Variants in ARFGEF2 observed in about 807,000 individuals in gnomAD.
ARFGEF2 encodes ARF guanine nucleotide exchange factor 2, also known as brefeldin A-inhibited guanine nucleotide-exchange protein 2.
In ARFGEF2, 74 loss-of-function variants were observed where a neutral mutation model predicts 219.9. That is an observed-to-expected ratio of 0.34 (90% confidence interval 0.28 to 0.41). The LOEUF is 0.41. ARFGEF2 is among the 10% of genes least tolerant of loss of function. The probability of loss-of-function intolerance (pLI) is 1.00; values close to 1 mark genes in which losing one functional copy is unlikely to be tolerated. For synonymous variants in ARFGEF2, 733 were observed against 799.2 expected (o/e 0.92, Z 1.40); for missense variants, 1,743 against 2,218.3 (o/e 0.79, Z 4.30).
At chr20:48,937,115 T>C (rs1178964291) in intron 1 of ARFGEF2, among the ~76,000 whole-genome samples, 1 of 152,194 alleles carries the variant, frequency 6.6e-6, no homozygotes, top group Non-Finnish European at 1.5e-5. Flanking sequence ...GCTGGTGTGC[T>C]TCAGACTGTG....
At position 48,952,901 on chromosome 20, in the gene ARFGEF2, AC is replaced by A. The variant is rs1398792139; in HGVS notation, c.603+18del. On this transcript the variant is annotated intron_variant, in intron 5 of 38. Transcript: ENST00000371917. ...AACCAAGTGGTGAGTGACAGCACTT[AC>A]GTGCTAGGGGCAAGACATCATTGCT... The A allele has an allele frequency of 6.2e-7, 1 of 1,613,270 alleles. No homozygotes were observed. Among genetic ancestry groups the A allele is most frequent in the Admixed American group, 1.7e-5 (1 of 60,026 alleles).
chr20:48,969,412 A>G (rs2091211449), intron 9 of ARFGEF2, 135 bp downstream of exon 9: 1 of 1,528,262 alleles, frequency 6.5e-7, no homozygotes, highest in Non-Finnish European at 9.0e-7. Context: ...GAACGGTTTT[A>G]CAACTTTTCA....
chr20:48,924,636 C>G (rs964509986), intron 1 of ARFGEF2, among the ~76,000 whole-genome samples: 1 of 151,752 alleles, frequency 6.6e-6, no homozygotes, highest in African/African-American at 2.4e-5. Flanking sequence ...AATGACGGCT[C>G]AAAGTTGAAA....
intron 1 of ARFGEF2, among the ~76,000 whole-genome samples, chr20:48,930,068 A>G (rs182886906): frequency 6.6e-6 from 1 of 152,342 alleles, no homozygotes; most frequent in East Asian, 1.9e-4. Flanking sequence ...GTCTTAGTCC[A>G]TTTTGTGCTG....
At chr20:48,987,515 G>A (rs1320024003) in intron 16 of ARFGEF2, among the ~76,000 whole-genome samples, 3 of 152,128 alleles carry the variant, frequency 2.0e-5, no homozygotes, top group Admixed American at 2.0e-4. Flanking sequence ...ATAAATAACA[G>A]CTAAACAGCA....
intron 6 of ARFGEF2, among the ~76,000 whole-genome samples, chr20:48,960,290 A>G (rs554335706): frequency 1.3e-5 from 2 of 152,294 alleles, no homozygotes; most frequent in East Asian, 3.9e-4. Flanking sequence ...TACAGTCACA[A>G]TGCAGTACAA....
At chr20:49,000,066 A>G (rs997883832) in intron 25 of ARFGEF2, among the ~76,000 whole-genome samples, 4 of 152,206 alleles carry the variant, frequency 2.6e-5, no homozygotes, top group African/African-American at 9.7e-5. Flanking sequence ...ACACCCTGCC[A>G]CAGCCAATTT....
At chr20:48,944,238 A>G (rs2091011497) in intron 3 of ARFGEF2, among the ~76,000 whole-genome samples, 1 of 152,058 alleles carries the variant, frequency 6.6e-6, no homozygotes, top group Admixed American at 6.6e-5. Context: ...TTCTGAGGAG[A>G]TTTGGCAGAA....
At chr20:48,977,536 C>T (rs1021142161) in intron 14 of ARFGEF2, among the ~76,000 whole-genome samples, 1 of 152,170 alleles carries the variant, frequency 6.6e-6, no homozygotes, top group African/African-American at 2.4e-5. Context: ...GTTCTAGATC[C>T]TTAAGGAATC....
chr20:48,998,830 C>T (rs931504929), intron 25 of ARFGEF2, among the ~76,000 whole-genome samples: 1 of 152,182 alleles, frequency 6.6e-6, no homozygotes, highest in Non-Finnish European at 1.5e-5. Context: ...TCCAGAAAGG[C>T]CTTTTAAATG....
At chr20:48,985,701 AT>A (rs1280010096) in intron 16 of ARFGEF2, 88 bp downstream of exon 16, 3 of 1,379,304 alleles carry the variant, frequency 2.2e-6, no homozygotes, top group Admixed American at 3.8e-5. Context: ...TAATCTTTGT[AT>A]ATCTGTGCCA....
chr20:48,922,456 G>C (rs574345318), intron 1 of ARFGEF2, among the ~76,000 whole-genome samples: 2 of 152,338 alleles, frequency 1.3e-5, no homozygotes, highest in East Asian at 3.9e-4. Context: ...GTGCCCGTTG[G>C]AGAATGTTTT....
intron 5 of ARFGEF2, among the ~76,000 whole-genome samples, chr20:48,953,187 T>TTTTTTTTATTTTTG (rs2091082284): frequency 6.6e-6 from 1 of 151,356 alleles, no homozygotes; most frequent in Non-Finnish European, 1.5e-5. Context: ...TTTTTTCTTT[T>TTTTTTTTATTTTTG]TTTTTGGAGA....
chr20:48,965,752 C>G, intron 7 of ARFGEF2, 120 bp from the exon 8 acceptor site: 2 of 1,221,754 alleles, frequency 1.6e-6, no homozygotes, highest in Admixed American at 3.5e-5. Flanking sequence ...GCTGGTGGCA[C>G]AGGAAAAGGG....
intron 37 of ARFGEF2, among the ~76,000 whole-genome samples, chr20:49,029,890 G>A (rs2091623702): frequency 7.1e-6 from 1 of 141,262 alleles, no homozygotes; most frequent in Admixed American, 7.4e-5. Flanking sequence ...ACCGTGCCCA[G>A]CCTAAAAGTG....
In ARFGEF2 at chr20:49,012,006, C is replaced by T. The variant is rs371088382; in HGVS notation, c.3840C>T (p.Asn1280=). 1.3e-4 allele frequency: 217 copies of T among 1,614,134 alleles called. No individual in the cohort carries two copies. Among genetic ancestry groups the T allele is most frequent in the East Asian group, 4.5e-4 (20 of 44,900 alleles). Residue 1280 remains asparagine (N), a synonymous_variant, in exon 28 of 39, where the codon AAC becomes AAT. Coordinates refer to ENST00000371917, the MANE Select transcript of ARFGEF2 (RefSeq NM_006420.3). ...AGTGCTTATCAGAGTTCGCCTGCAA[C>T]GCCGCTTTCCCTGACACGAGCATGG... ...AVKCLSEFAC[N]AAFPDTSMEA... is the part of the protein sequence containing the mutation.
intron 1 of ARFGEF2, among the ~76,000 whole-genome samples, chr20:48,938,882 C>T (rs907677611): frequency 6.6e-6 from 1 of 152,078 alleles, no homozygotes; most frequent in African/African-American, 2.4e-5. Flanking sequence ...ATCTTACACC[C>T]ACCGTGTTTT....
intron 3 of ARFGEF2, among the ~76,000 whole-genome samples, chr20:48,945,556 A>G (rs1231458203): frequency 6.6e-6 from 1 of 152,158 alleles, no homozygotes; most frequent in Non-Finnish European, 1.5e-5. Flanking sequence ...GGGTATGGTT[A>G]TCTCTCTTTT....
intron 3 of ARFGEF2, among the ~76,000 whole-genome samples, chr20:48,947,969 C>T (rs2091038793): frequency 6.6e-6 from 1 of 152,134 alleles, no homozygotes; most frequent in Non-Finnish European, 1.5e-5. Context: ...TTTTTACATC[C>T]CAGTGAAGGC....
Sources: allele counts gnomAD v4.1 joint callset (sites outside exome capture counted in the v4.1 genomes callset), GRCh38; gene constraint gnomAD v4.1.1; transcripts MANE v1.5; gene names NCBI Gene and HGNC (gene_info 2026-07-23, HGNC 2026-07-21).